Variants in ZFR observed in about 807,000 individuals in gnomAD.
The protein encoded by ZFR is zinc finger RNA binding protein, also known as zinc finger RNA-binding protein.
In ZFR, 19 loss-of-function variants were observed where a neutral mutation model predicts 130.7. The observed-to-expected ratio is 0.15, with a 90% CI of 0.10 to 0.21. The LOEUF is 0.21. ZFR is among the 10% of genes least tolerant of loss of function. ZFR has a pLI of 1.00. For synonymous variants in ZFR, 466 were observed against 456.9 expected (o/e 1.02, Z -0.25); for missense variants, 872 against 1,321.5 (o/e 0.66, Z 5.27).
intron 5 of ZFR, among the ~76,000 whole-genome samples, chr5:32,412,930 T>C (rs2910889): frequency 0.96 from 145,694 of 152,290 alleles, 69,765 homozygotes; most frequent in African/African-American, 0.99. Context: ...CATGCCTGTA[T>C]TGTAATCCCA....
At chr5:32,359,540 A>T (rs918683236) in intron 19 of ZFR, among the ~76,000 whole-genome samples, 1 of 152,216 alleles carries the variant, frequency 6.6e-6, no homozygotes, top group Non-Finnish European at 1.5e-5. Flanking sequence ...CTGGTTTTCA[A>T]TGAGTCTAAG....
chr5:32,377,810 G>C (rs1752857298), intron 17 of ZFR, among the ~76,000 whole-genome samples: 1 of 152,058 alleles, frequency 6.6e-6, no homozygotes. Flanking sequence ...TCCTGCCTCA[G>C]CCTCCCGAGT....
intron 2 of ZFR, among the ~76,000 whole-genome samples, chr5:32,443,511 A>G (rs778028869): frequency 6.6e-6 from 1 of 152,276 alleles, no homozygotes; most frequent in Non-Finnish European, 1.5e-5. Flanking sequence ...ATTTATCAGC[A>G]CTAGAAACTT....
intron 8 of ZFR, among the ~76,000 whole-genome samples, chr5:32,402,486 C>T (rs1310514903): frequency 6.6e-6 from 1 of 151,920 alleles, no homozygotes; most frequent in Non-Finnish European, 1.5e-5. Flanking sequence ...AAAATCAGGG[C>T]CATGCGTTGT....
At chr5:32,443,195 G>C (rs1754511233) in intron 2 of ZFR, among the ~76,000 whole-genome samples, 1 of 152,096 alleles carries the variant, frequency 6.6e-6, no homozygotes, top group Non-Finnish European at 1.5e-5. Flanking sequence ...TACATAAAAA[G>C]CATATCACGC....
At chr5:32,420,660 A>G (rs926631917) in intron 2 of ZFR, among the ~76,000 whole-genome samples, 2 of 152,250 alleles carry the variant, frequency 1.3e-5, no homozygotes, top group African/African-American at 4.8e-5. Flanking sequence ...ACATATGGCC[A>G]TATCTGCATA....
intron 2 of ZFR, among the ~76,000 whole-genome samples, chr5:32,437,195 TC>T (rs1754357832): frequency 2.6e-5 from 4 of 152,176 alleles, no homozygotes; most frequent in African/African-American, 9.7e-5. Flanking sequence ...GTCAAAATCC[TC>T]CAATTTCCCA....
intron 17 of ZFR, among the ~76,000 whole-genome samples, chr5:32,370,518 G>T (rs1030671506): frequency 6.6e-6 from 1 of 152,004 alleles, no homozygotes; most frequent in African/African-American, 2.4e-5. Flanking sequence ...GACTACAGGT[G>T]TGCGCCATCT....
At chr5:32,402,320 T>C (rs1197338925) in intron 8 of ZFR, among the ~76,000 whole-genome samples, 3 of 152,182 alleles carry the variant, frequency 2.0e-5, no homozygotes, top group Non-Finnish European at 4.4e-5. Flanking sequence ...CAGTCAACTG[T>C]GTCAAGTATT....
In ZFR at chr5:32,359,520, G is replaced by T. The variant is rs1019867055; in HGVS notation, c.3046-3581C>A. ...CACTGTGCAATCTTAAAAATGTACT[G>T]ATACTGTAGCTGGTTTTCAATGAGT... is the stretch of plus-strand genomic sequence containing the variant. On this transcript the variant is annotated intron_variant, in intron 19 of 19. Coordinates refer to ENST00000265069, the MANE Select transcript of ZFR (RefSeq NM_016107.5). Among the ~76,000 whole-genome samples, 6 of 152,166 alleles carry T rather than the reference G, an allele frequency of 3.9e-5. 1 individual carries two copies. In the South Asian group the frequency reaches 8.3e-4, roughly 21 times the overall value.
chr5:32,403,499 G>A, intron 7 of ZFR, 102 bp from the exon 8 acceptor site: 4 of 1,418,580 alleles, frequency 2.8e-6, no homozygotes, highest in South Asian at 2.8e-5. Flanking sequence ...GCTTTTCTTT[G>A]TTGTATTTTT....
chr5:32,442,833 GAT>G (rs1168484194), intron 2 of ZFR, among the ~76,000 whole-genome samples: 2 of 152,104 alleles, frequency 1.3e-5, no homozygotes, highest in African/African-American at 4.8e-5. Flanking sequence ...AGCCCAAAAA[GAT>G]AGTTTGCCCA....
chr5:32,382,371 A>C (rs865951935), intron 15 of ZFR, among the ~76,000 whole-genome samples: 2 of 152,094 alleles, frequency 1.3e-5, no homozygotes, highest in Non-Finnish European at 2.9e-5. Context: ...GACTTCCCCA[A>C]AGCAGTATTA....
At chr5:32,392,817 A>G (rs533822784) in intron 11 of ZFR, among the ~76,000 whole-genome samples, 15 of 152,290 alleles carry the variant, frequency 9.8e-5, no homozygotes, top group African/African-American at 3.1e-4. Context: ...CAACCTGGTG[A>G]AAGCCCATCC....
At chr5:32,415,530 G>A (rs1041551006) in intron 4 of ZFR, among the ~76,000 whole-genome samples, 6 of 151,242 alleles carry the variant, frequency 4.0e-5, no homozygotes, top group South Asian at 2.1e-4. Flanking sequence ...GCGCGCGCGC[G>A]CGCACTAGTC....
intron 19 of ZFR, among the ~76,000 whole-genome samples, chr5:32,362,983 T>C (rs1752468890): frequency 6.6e-6 from 1 of 152,140 alleles, no homozygotes; most frequent in African/African-American, 2.4e-5. Context: ...CCCTAGAATA[T>C]AAAATGAAAG....
chr5:32,380,533 C>CG, intron 15 of ZFR: 2 of 165,264 alleles, frequency 1.2e-5, no homozygotes, highest in East Asian at 3.2e-4. Flanking sequence ...TTGTTCAGTA[C>CG]TCTAAATGGT....
intron 19 of ZFR, among the ~76,000 whole-genome samples, chr5:32,358,488 G>A (rs1472794244): frequency 6.6e-5 from 10 of 151,906 alleles, no homozygotes; most frequent in Admixed American, 5.2e-4. Flanking sequence ...GTGAAACCCC[G>A]TCTCTACTAA....
At chr5:32,380,877 T>C (rs1023278034) in intron 15 of ZFR, among the ~76,000 whole-genome samples, 1 of 151,512 alleles carries the variant, frequency 6.6e-6, no homozygotes, top group South Asian at 2.1e-4. Context: ...TTTTAACTCC[T>C]GACCTCAAGT....
Sources: allele counts gnomAD v4.1 joint callset (sites outside exome capture counted in the v4.1 genomes callset), GRCh38; gene constraint gnomAD v4.1.1; transcripts MANE v1.5; gene names NCBI Gene and HGNC (gene_info 2026-07-23, HGNC 2026-07-21).